Variants in PATZ1 observed in about 807,000 individuals in gnomAD.
PATZ1 encodes the protein POZ-, AT hook-, and zinc finger-containing protein 1.
A neutral mutation model predicts 46.2 loss-of-function variants in PATZ1; 9 were observed. The observed-to-expected ratio is 0.19, with a 90% confidence interval of 0.12 to 0.34. The LOEUF is 0.34. Among genes scored for constraint, PATZ1 ranks in the 10% least tolerant of loss-of-function variants. The pLI is 1.00. For missense variants in PATZ1, 632 were observed against 923.0 expected, an observed-to-expected ratio of 0.68 and a Z score of 4.08; for synonymous variants, 426 against 378.6, an observed-to-expected ratio of 1.13 and a Z score of -1.45.
intron 2 of PATZ1, chr22:31,341,606 C>T (rs1344760717): frequency 6.2e-7 from 1 of 1,614,174 alleles, no homozygotes. Flanking sequence ...ACAAAGCAGG[C>T]TGGGCAAAGT....
intron 1 of PATZ1, chr22:31,343,228 G>A: frequency 1.6e-6 from 2 of 1,215,372 alleles, no homozygotes; most frequent in Non-Finnish European, 1.0e-6. Flanking sequence ...CTCCCCACCA[G>A]AAACTCAGTG....
intron 3 of PATZ1, among the ~76,000 whole-genome samples, chr22:31,333,571 A>C (rs34128648): frequency 0.031 from 4,620 of 148,858 alleles, 121 homozygotes; most frequent in Non-Finnish European, 0.045. Context: ...TAAAAACTGC[A>C]ATTGTTTTCT....
In PATZ1 at chr22:31,346,072, C is replaced by G. The variant is rs2049654379; in HGVS notation, c.-470G>C. The G allele has an allele frequency of 6.3e-6, 1 of 158,994 alleles. No homozygotes were observed. The highest frequency in any genetic ancestry group is 2.4e-5 in the African/African-American group (1 of 41,310). The allele number at this position is 158,994 out of a possible 1,614,324, so 9.8% of individuals were successfully genotyped here. On this transcript the variant is annotated 5_prime_UTR_variant, in exon 1 of 5. Coordinates refer to ENST00000266269, the MANE Select transcript of PATZ1 (RefSeq NM_014323.3). ...TTTTCCCGGGCCCGCTGGGGGCGCG[C>G]GCTGCGTCCCCTGCAAAGCGCGAGC... is the stretch of plus-strand genomic sequence containing the variant.
Position 31,327,262 on chromosome 22 carries a change from A to T in PATZ1, c.1693T>A (p.Tyr565Asn). The change falls in exon 5 of 5, where the codon TAT becomes AAT. Residue 565 changes from tyrosine to asparagine, a missense_variant. By Grantham distance (143) the Tyr-to-Asn change is moderately radical. Around this residue, in one of 7 missense-constraint regions of PATZ1, gnomAD observed 176 missense variants for 249.4 expected, o/e 0.71. Coordinates refer to ENST00000266269, the MANE Select transcript of PATZ1 (RefSeq NM_014323.3). The surrounding 1 kb of genome is among the most constrained non-coding windows in gnomAD (Gnocchi z 4.2). ...TCGCTGGCATCTGAGAGGTCACCATAGGAGTCAGAGCTCTCAATCGGATCC... is the reference window on the plus strand; with the variant it reads ...TCGCTGGCATCTGAGAGGTCACCATTGGAGTCAGAGCTCTCAATCGGATCC... ...HQDPIESSDS[Y>N]GDLSDASDLK... 1 of 1,614,188 alleles carries T rather than the reference A, an allele frequency of 6.2e-7. No individual in the cohort carries two copies. The highest frequency in any genetic ancestry group is 2.2e-5 in the East Asian group (1 of 44,876).
chr22:31,344,522 C>G lies in PATZ1; in HGVS notation c.1081G>C (p.Gly361Arg). ...TRKQVACEICGKIFRDVYHLN... is the reference protein window; with the variant it reads ...TRKQVACEICRKIFRDVYHLN... ...TGATACACATCACGGAAGATCTTGC[C>G]GCAGATCTCACAAGCCACCTGCTTC... The change falls in exon 1 of 5, where the codon GGC becomes CGC. Residue 361 changes from glycine (G) to arginine (R), a missense_variant. This residue lies in a region of PATZ1 where 279 missense variants were observed against 284.3 expected (regional missense o/e 0.98). Coordinates refer to ENST00000266269, the MANE Select transcript of PATZ1 (RefSeq NM_014323.3). 2 of 1,614,210 alleles carry G rather than the reference C, an allele frequency of 1.2e-6. No individual in the cohort carries two copies. The highest frequency in any genetic ancestry group is 1.7e-6 in the Non-Finnish European group (2 of 1,180,018).
At chr22:31,341,124 T>G (rs1442547258) in intron 2 of PATZ1, 2 of 1,146,212 alleles carry the variant, frequency 1.7e-6, no homozygotes, top group Non-Finnish European at 2.1e-6. Flanking sequence ...ACCTCCAAAA[T>G]CACCTAGGCA....
chr22:31,340,354 A>T (rs920542223), intron 2 of PATZ1, among the ~76,000 whole-genome samples: 5 of 152,182 alleles, frequency 3.3e-5, no homozygotes, highest in Admixed American at 6.5e-5. Context: ...GTGCCTAGCC[A>T]GTGGGGAACT....
Position 31,326,325 on chromosome 22 carries a change from T to C in PATZ1, c.*566A>G, listed in dbSNP as rs1044048830. On this transcript the variant is annotated 3_prime_UTR_variant, in exon 5 of 5. Coordinates refer to ENST00000266269, the MANE Select transcript of PATZ1 (RefSeq NM_014323.3). ...CCTCCAAGCAGGGCTCAGAAAGGTC[T>C]GGAGCCCTCCAGGCAGAGGGCTGAG... 4.8e-5 allele frequency: 11 copies of C among 230,712 alleles called. No homozygotes were observed. The highest frequency in any genetic ancestry group is 9.4e-5 in the Non-Finnish European group (11 of 116,596). 14.3% of individuals were successfully genotyped at this position (230,712 alleles called of 1,614,324 possible).
rs749767049 is a variant in PATZ1, at chr22:31,345,447, G to A, written c.156C>T (p.Phe52=). ...CGGCCAGCACGGCGCGGTGCGCTGGGAAGCTCTCGTCGCCTACCCGCAAGA... is the reference window on the plus strand; with the variant it reads ...CGGCCAGCACGGCGCGGTGCGCTGGAAAGCTCTCGTCGCCTACCCGCAAGA... ...DVLLRVGDES[F]PAHRAVLAAC... Residue 52 remains phenylalanine (F), a synonymous_variant, in exon 1 of 5, where the codon TTC becomes TTT. Coordinates refer to ENST00000266269, the MANE Select transcript of PATZ1 (RefSeq NM_014323.3). The surrounding 1 kb of genome is among the most constrained non-coding windows in gnomAD (Gnocchi z 7.4). The A allele has an allele frequency of 1.9e-6, 3 of 1,612,592 alleles. No homozygotes were observed. In the East Asian group the frequency reaches 6.7e-5, roughly 36 times the overall value.
Position 31,328,937 on chromosome 22 carries a change from A to G in PATZ1, c.1508-13T>C, listed in dbSNP as rs2049401877. The G allele has an allele frequency of 1.2e-6, 2 of 1,607,902 alleles. No individual in the cohort carries two copies. Among genetic ancestry groups the G allele is most frequent in the African/African-American group, 2.7e-5 (2 of 74,378 alleles). ...GCAGAGGAGAAACCTAAACAAGACAAAAGGAGATGAGATCCCGCGGCCAGC... is the reference window on the plus strand; with the variant it reads ...GCAGAGGAGAAACCTAAACAAGACAGAAGGAGATGAGATCCCGCGGCCAGC... On this transcript the variant is annotated splice_polypyrimidine_tract_variant and intron_variant, in intron 3 of 4. Transcript: ENST00000266269. This position sits in a 1 kb window ranked among gnomAD's most constrained non-coding sequence, Gnocchi z 4.8.
rs1364253818 is a variant in PATZ1 at position 31,345,057 on chromosome 22, G to A, written c.546C>T (p.Asp182=). The part of the protein sequence containing the change: ...IMLFRPPGTS[D]LGFPLDMTNG... ...TGGTCATGTCCAAAGGGAAGCCCAA[G>A]TCCGAGGTCCCAGGGGGGCGAAAGA... Residue 182 remains aspartate, a synonymous_variant, in exon 1 of 5, where the codon GAC becomes GAT. Coordinates refer to ENST00000266269, the MANE Select transcript of PATZ1 (RefSeq NM_014323.3). This position sits in a 1 kb window ranked among gnomAD's most constrained non-coding sequence, Gnocchi z 7.4. The A allele has an allele frequency of 6.2e-7, 1 of 1,614,184 alleles. No individual in the cohort carries two copies. Among genetic ancestry groups the A allele is most frequent in the Admixed American group, 1.7e-5 (1 of 60,034 alleles).
rs1286098726 is a variant in PATZ1, at chr22:31,345,243, G to A, written c.360C>T (p.Phe120=). 1.9e-6 allele frequency: 3 copies of A among 1,613,334 alleles called. No individual in the cohort carries two copies. The highest frequency in any genetic ancestry group is 1.7e-6 in the Non-Finnish European group (2 of 1,179,566). The change falls in exon 1 of 5, where the codon TTC becomes TTT. Residue 120 remains phenylalanine (F), a synonymous_variant. Coordinates refer to ENST00000266269, the MANE Select transcript of PATZ1 (RefSeq NM_014323.3). The surrounding 1 kb of genome is among the most constrained non-coding windows in gnomAD (Gnocchi z 7.4). ...SSKVFGDILD[F]AYTSRIVVRL... ...GCACCACGATGCGGGAAGTGTAGGC[G>A]AAGTCCAGAATGTCCCCAAATACCT...
chr22:31,344,966 C>T lies in PATZ1; in HGVS notation c.637G>A (p.Ala213Thr), dbSNP rs5753567. 1.2e-6 allele frequency: 2 copies of T among 1,613,866 alleles called. No homozygotes were observed. The highest frequency in any genetic ancestry group is 2.2e-5 in the East Asian group (1 of 44,884). ...GCAATGGCTGCACCAGCCGCCCGAGCTGCCTCCTCCTCTGGCTGCATGCTG... is the reference window on the plus strand; with the variant it reads ...GCAATGGCTGCACCAGCCGCCCGAGTTGCCTCCTCCTCTGGCTGCATGCTG... ...AGSMQPEEEAARAAGAAIAGQ... is the reference protein window; with the variant it reads ...AGSMQPEEEATRAAGAAIAGQ... Residue 213 changes from alanine to threonine, a missense_variant, in exon 1 of 5, where the codon GCT (alanine) becomes ACT (threonine). Physicochemically the swap from Ala to Thr is moderately conservative, Grantham distance 58. Coordinates refer to ENST00000266269, the MANE Select transcript of PATZ1 (RefSeq NM_014323.3).
chr22:31,336,118 G>C (rs2049505941), intron 2 of PATZ1, among the ~76,000 whole-genome samples: 1 of 152,146 alleles, frequency 6.6e-6, no homozygotes, highest in Admixed American at 6.5e-5. Flanking sequence ...ATGTACCCAG[G>C]ACATGGCAAG....
At chr22:31,341,586 G>A in intron 2 of PATZ1, 1 of 1,614,180 alleles carries the variant, frequency 6.2e-7, no homozygotes, top group Non-Finnish European at 8.5e-7. Flanking sequence ...AACCGAATGG[G>A]ACGACCTCCA....
intron 2 of PATZ1, among the ~76,000 whole-genome samples, chr22:31,336,422 C>T (rs906216365): frequency 2.0e-5 from 3 of 152,078 alleles, no homozygotes; most frequent in African/African-American, 7.2e-5. Flanking sequence ...AATATTTTCA[C>T]GAGTTTGAAT....
intron 3 of PATZ1, among the ~76,000 whole-genome samples, chr22:31,334,592 G>A (rs1486622545): frequency 6.6e-6 from 1 of 152,194 alleles, no homozygotes; most frequent in East Asian, 1.9e-4. Context: ...TTGTTACAAA[G>A]TGCAAGGATA....
At chr22:31,339,477 GGA>G (rs1411025070) in intron 2 of PATZ1, among the ~76,000 whole-genome samples, 2 of 152,180 alleles carry the variant, frequency 1.3e-5, no homozygotes, top group Non-Finnish European at 2.9e-5. Context: ...ACACAACCCA[GGA>G]GAGAAGGGGC....
In PATZ1 at chr22:31,344,847, G is replaced by A; in HGVS notation, c.756C>T (p.Pro252=). The part of the protein sequence containing the change: ...LSPQLLTSPF[P]SVASSAPPLT... ...GGGGAGGGGCACTGGATGCCACACT[G>A]GGGAATGGGGAAGTCAGCAGTTGGG... Residue 252 remains proline, a synonymous_variant, in exon 1 of 5, where the codon CCC becomes CCT. Transcript: ENST00000266269. 1 of 1,612,704 alleles carries A rather than the reference G, an allele frequency of 6.2e-7. No homozygotes were observed. Among genetic ancestry groups the A allele is most frequent in the Non-Finnish European group, 8.5e-7 (1 of 1,179,868 alleles).
Sources: allele counts gnomAD v4.1 joint callset (sites outside exome capture counted in the v4.1 genomes callset), GRCh38; gene constraint gnomAD v4.1.1; regional missense constraint gnomAD v4.1.1; non-coding constraint Gnocchi (gnomAD v3.1); transcripts MANE v1.5; gene names NCBI Gene and HGNC (gene_info 2026-07-23, HGNC 2026-07-21).